Variants in LDLRAD4 observed in about 807,000 individuals in gnomAD.
LDLRAD4 encodes the protein low-density lipoprotein receptor class A domain-containing protein 4.
LDLRAD4 carries 5 observed loss-of-function variants against 17.0 expected under a neutral mutation model. The observed-to-expected ratio is 0.29, with a 90% CI of 0.15 to 0.62. LDLRAD4 has a LOEUF of 0.62. LDLRAD4 is among the 20% of genes least tolerant of loss of function. LDLRAD4 has a pLI of 0.84. For missense variants in LDLRAD4, 340 were observed against 424.7 expected (o/e 0.80, Z 1.75); for synonymous variants, 168 against 171.8 (o/e 0.98, Z 0.17).
rs2093453787 is a variant in LDLRAD4, at chr18:13,495,682, A to G, written c.181+57298A>G. On this transcript the variant is annotated intron_variant, in intron 3 of 5. Coordinates refer to ENST00000359446, the Ensembl canonical transcript of LDLRAD4. ...GTGAAGATGGCTCAGGAATAGATTA[A>G]TAGACTCACAAATTCTAGAACAAGA... 3.3e-5 allele frequency among the ~76,000 whole-genome samples: 5 copies of G among 152,230 alleles called. No individual in the cohort carries two copies. In the South Asian group the frequency reaches 1.0e-3, roughly 32 times the overall value.
rs1204530826 is a variant in LDLRAD4, at chr18:13,545,608, CCTT to C, written c.182-75503_182-75501del. Among the ~76,000 whole-genome samples, 3 of 152,138 alleles carry C rather than the reference CCTT, an allele frequency of 2.0e-5. No individual in the cohort carries two copies. The East Asian group carries it at 5.8e-4, about 29-fold the overall frequency. ...CTCTGGTTACTCTTCCACACACACACCTTCTTCTAGCAGCCGGCCATGAGCAGT... is the reference window on the plus strand; with the variant it reads ...CTCTGGTTACTCTTCCACACACACACCTTCTAGCAGCCGGCCATGAGCAGT... On this transcript the variant is annotated intron_variant, in intron 3 of 5. Transcript: ENST00000359446.
chr18:13,250,567 G>C (rs987348548), intron 1 of LDLRAD4, among the ~76,000 whole-genome samples: 1 of 152,080 alleles, frequency 6.6e-6, no homozygotes, highest in African/African-American at 2.4e-5. Context: ...ATGGATACCA[G>C]AGAAATATAA....
chr18:13,336,741 C>G (rs1047225719), intron 1 of LDLRAD4, among the ~76,000 whole-genome samples: 2 of 151,366 alleles, frequency 1.3e-5, no homozygotes, highest in Admixed American at 1.3e-4. Context: ...ACTATTTTTT[C>G]CTTGAGTTCT....
intron 3 of LDLRAD4, among the ~76,000 whole-genome samples, chr18:13,506,211 G>A (rs2093690161): frequency 9.6e-6 from 1 of 104,324 alleles, no homozygotes; most frequent in South Asian, 3.8e-4. Flanking sequence ...GCGAGCAGCT[G>A]TTTCCTCTTT....
At chr18:13,347,880 C>T (rs1427591812) in intron 1 of LDLRAD4, among the ~76,000 whole-genome samples, 4 of 152,172 alleles carry the variant, frequency 2.6e-5, no homozygotes, top group South Asian at 2.1e-4. Context: ...CTGAGGCTTG[C>T]GCATTCGTCA....
At chr18:13,260,840 C>G (rs1026550906) in intron 1 of LDLRAD4, among the ~76,000 whole-genome samples, 1 of 152,206 alleles carries the variant, frequency 6.6e-6, no homozygotes, top group Non-Finnish European at 1.5e-5. Flanking sequence ...TGAATGCAGC[C>G]CATTTTGTGG....
intron 3 of LDLRAD4, among the ~76,000 whole-genome samples, chr18:13,468,586 A>G (rs2092687027): frequency 1.3e-5 from 2 of 152,136 alleles, no homozygotes; most frequent in Admixed American, 1.3e-4. Context: ...AATAGCAAAG[A>G]CTTAGAACCA....
At chr18:13,632,724 C>T in intron 4 of LDLRAD4, among the ~76,000 whole-genome samples, 1 of 152,226 alleles carries the variant, frequency 6.6e-6, no homozygotes, top group East Asian at 1.9e-4. Flanking sequence ...CACCATTCGG[C>T]CAGTCACAAG....
Position 13,643,084 on chromosome 18 carries a change from C to T in LDLRAD4, c.337-275C>T, listed in dbSNP as rs137873777. Reference sequence around the variant, plus strand: ...CCGAGTAGCTGGGATTACAGGCACCCGCCACCACGCCCAACTAATGTTTGT... The same window carrying T: ...CCGAGTAGCTGGGATTACAGGCACCTGCCACCACGCCCAACTAATGTTTGT... On this transcript the variant is annotated intron_variant, in intron 4 of 5. Coordinates refer to ENST00000359446, the Ensembl canonical transcript of LDLRAD4. 8.4e-3 allele frequency among the ~76,000 whole-genome samples: 1,272 copies of T among 151,980 alleles called. 19 individuals are homozygous for T. Among genetic ancestry groups the T allele is most frequent in the African/African-American group, 0.03 (1,224 of 41,442 alleles).
At chr18:13,646,006 A>G in exon 6 of LDLRAD4, 1 of 194,832 alleles carries the variant, frequency 5.1e-6, no homozygotes, top group Admixed American at 6.1e-5. Flanking sequence ...CTTTGCAGAT[A>G]AATGAGGCCA....
intron 3 of LDLRAD4, among the ~76,000 whole-genome samples, chr18:13,504,632 T>C (rs1938342359): frequency 6.6e-6 from 1 of 152,182 alleles, no homozygotes; most frequent in South Asian, 2.1e-4. Flanking sequence ...TTCACTATGT[T>C]GGCCAGGCTG....
At chr18:13,408,597 C>T (rs1393084003) in intron 2 of LDLRAD4, among the ~76,000 whole-genome samples, 3 of 151,882 alleles carry the variant, frequency 2.0e-5, no homozygotes, top group Non-Finnish European at 4.4e-5. Flanking sequence ...CTCAGCCTCC[C>T]GAGTAGCTGG....
At chr18:13,221,312 T>C (rs74423603) in intron 1 of LDLRAD4, among the ~76,000 whole-genome samples, 2,340 of 152,344 alleles carry the variant, frequency 0.015, 50 homozygotes, top group East Asian at 0.095. Flanking sequence ...CTCTGTCTCC[T>C]TCCCTCTCTC....
intron 1 of LDLRAD4, among the ~76,000 whole-genome samples, chr18:13,361,387 A>T (rs2083658044): frequency 6.6e-6 from 1 of 152,186 alleles, no homozygotes; most frequent in African/African-American, 2.4e-5. Context: ...ATTTTTAGTA[A>T]GGGATGTTGG....
In LDLRAD4 at chr18:13,300,186, T is replaced by C. The variant is rs1014112451; in HGVS notation, c.-383+21998T>C. 1.3e-5 allele frequency among the ~76,000 whole-genome samples: 2 copies of C among 152,202 alleles called. No homozygotes were observed. Among genetic ancestry groups the C allele is most frequent in the African/African-American group, 4.8e-5 (2 of 41,460 alleles). On this transcript the variant is annotated intron_variant, in intron 1 of 5. Coordinates refer to ENST00000359446, the Ensembl canonical transcript of LDLRAD4. This position sits in a 1 kb window ranked among gnomAD's most constrained non-coding sequence, Gnocchi z 4.2. ...CCTGCTTGTCTCTGGAGAGCCGTGG[T>C]TCCAGGGCCAGCAGGTGCCTCCTTA...
intron 1 of LDLRAD4, among the ~76,000 whole-genome samples, chr18:13,361,515 A>C (rs1164322472): frequency 6.6e-6 from 1 of 152,182 alleles, no homozygotes; most frequent in Non-Finnish European, 1.5e-5. Flanking sequence ...AGGGATAGCC[A>C]ATTTCACCAT....
intron 1 of LDLRAD4, among the ~76,000 whole-genome samples, chr18:13,308,373 TATTTCTCTTA>T (rs2047036357): frequency 6.6e-6 from 1 of 152,222 alleles, no homozygotes; most frequent in Admixed American, 6.5e-5. Flanking sequence ...TAATATATTT[TATTTCTCTTA>T]ATTTCAATTC....
intron 3 of LDLRAD4, among the ~76,000 whole-genome samples, chr18:13,470,307 T>TG (rs1241464160): frequency 2.0e-5 from 3 of 152,138 alleles, no homozygotes; most frequent in African/African-American, 7.2e-5. Flanking sequence ...ACCTGCAAGT[T>TG]TAATCTCTCA....
At chr18:13,558,888 C>T (rs751854351) in intron 3 of LDLRAD4, among the ~76,000 whole-genome samples, 1 of 128,228 alleles carries the variant, frequency 7.8e-6, no homozygotes, top group Non-Finnish European at 1.6e-5. Flanking sequence ...CAGCCCTCCC[C>T]CTGCCCCTCT....
Sources: allele counts gnomAD v4.1 joint callset (sites outside exome capture counted in the v4.1 genomes callset), GRCh38; gene constraint gnomAD v4.1.1; non-coding constraint Gnocchi (gnomAD v3.1); transcripts MANE v1.5; gene names NCBI Gene and HGNC (gene_info 2026-07-23, HGNC 2026-07-21).